Variants in DSCAM observed in about 807,000 individuals in gnomAD.
The protein encoded by DSCAM is cell adhesion molecule DSCAM.
DSCAM carries 47 observed loss-of-function variants against 217.7 expected under a neutral mutation model. The ratio of observed to expected loss-of-function variants is 0.22; its 90% CI spans 0.17 to 0.28. DSCAM has a LOEUF of 0.28. DSCAM is among the 10% of genes least tolerant of loss of function. The pLI is 1.00. For missense variants in DSCAM, 2,080 were observed against 2,618.3 expected, an observed-to-expected ratio of 0.79 and a Z score of 4.49; for synonymous variants, 1,056 against 1,015.3, an observed-to-expected ratio of 1.04 and a Z score of -0.76.
chr21:40,640,362 A>C (rs2089862867), intron 3 of DSCAM, among the ~76,000 whole-genome samples: 1 of 152,126 alleles, frequency 6.6e-6, no homozygotes, highest in Non-Finnish European at 1.5e-5. Context: ...CAGCATGGAA[A>C]ACTGGGGTCC....
At chr21:40,288,841 T>C (rs144181763) in intron 10 of DSCAM, among the ~76,000 whole-genome samples, 78 of 152,308 alleles carry the variant, frequency 5.1e-4, no homozygotes, top group African/African-American at 1.8e-3. Context: ...ATTTTATCTG[T>C]TTCAGCTGCA....
At position 40,044,119 on chromosome 21, in the gene DSCAM, T is replaced by C; in HGVS notation, c.5342A>G (p.Lys1781Arg). The C allele has an allele frequency of 6.2e-7, 1 of 1,614,078 alleles. No individual in the cohort carries two copies. The highest frequency in any genetic ancestry group is 1.3e-5 in the African/African-American group (1 of 75,038). Residue 1781 changes from lysine to arginine, a missense_variant, in exon 31 of 33, where the codon AAA (lysine) becomes AGA (arginine). Around this residue, in one of 5 missense-constraint regions of DSCAM, gnomAD observed 1,144 missense variants for 1,421.1 expected, o/e 0.81. Transcript: ENST00000400454. ...PTPRAAGSVD[K>R]ESDSYSVSPS... is the part of the protein sequence containing the mutation. ...GCTGACGCTGTAACTGTCGCTCTCT[T>C]TGTCTACTGATCCTGCAGCCCTGGG...
At chr21:40,686,136 A>G (rs1465836624) in intron 3 of DSCAM, among the ~76,000 whole-genome samples, 1 of 151,454 alleles carries the variant, frequency 6.6e-6, no homozygotes, top group Non-Finnish European at 1.5e-5. Flanking sequence ...CAGAGCACAC[A>G]CATCACACAC....
intron 3 of DSCAM, among the ~76,000 whole-genome samples, chr21:40,590,122 A>G (rs947837342): frequency 6.6e-5 from 10 of 152,216 alleles, no homozygotes; most frequent in African/African-American, 2.4e-4. Context: ...TGTAACTAAG[A>G]AATAGACCCA....
chr21:40,733,047 C>A (rs1390684929), intron 1 of DSCAM, among the ~76,000 whole-genome samples: 1 of 152,316 alleles, frequency 6.6e-6, no homozygotes, highest in African/African-American at 2.4e-5. Flanking sequence ...TCTCTAAAAT[C>A]ATTACCTTCC....
At chr21:40,519,967 A>C (rs2076345955) in intron 3 of DSCAM, among the ~76,000 whole-genome samples, 1 of 152,020 alleles carries the variant, frequency 6.6e-6, no homozygotes, top group African/African-American at 2.4e-5. Context: ...AAAACACATG[A>C]CCTTCCTTCT....
intron 32 of DSCAM, among the ~76,000 whole-genome samples, chr21:40,017,693 A>T (rs903978721): frequency 2.0e-5 from 3 of 152,014 alleles, no homozygotes; most frequent in South Asian, 2.1e-4. Context: ...CTGGGATTAC[A>T]GGCATGCACC....
At chr21:40,257,052 C>A (rs1009381312) in intron 11 of DSCAM, among the ~76,000 whole-genome samples, 7 of 152,280 alleles carry the variant, frequency 4.6e-5, no homozygotes, top group Non-Finnish European at 7.4e-5. Context: ...GTTGACAATA[C>A]TTAAATACTA....
chr21:40,386,783 CG>C (rs1434124343), intron 3 of DSCAM, among the ~76,000 whole-genome samples: 6 of 152,042 alleles, frequency 3.9e-5, no homozygotes, highest in African/African-American at 1.5e-4. Flanking sequence ...GAAACAGTGA[CG>C]TTTTTCTTGA....
intron 10 of DSCAM, among the ~76,000 whole-genome samples, chr21:40,287,150 A>G (rs114761353): frequency 0.018 from 2,671 of 151,202 alleles, 89 homozygotes; most frequent in African/African-American, 0.062. Flanking sequence ...AGCATGATCC[A>G]CAGTGTGATC....
At chr21:40,633,977 G>C (rs1418340064) in intron 3 of DSCAM, among the ~76,000 whole-genome samples, 1 of 152,050 alleles carries the variant, frequency 6.6e-6, no homozygotes, top group Non-Finnish European at 1.5e-5. Flanking sequence ...GGACACAAAG[G>C]GTTTACTATT....
intron 16 of DSCAM, among the ~76,000 whole-genome samples, chr21:40,152,120 AAAAAAAACAC>A (rs2090428906): frequency 2.7e-5 from 4 of 149,934 alleles, no homozygotes; most frequent in Admixed American, 2.6e-4. Flanking sequence ...CATATGGAAA[AAAAAAAACAC>A]AAAAAAAACA....
chr21:40,151,803 G>A (rs116390905), intron 16 of DSCAM, among the ~76,000 whole-genome samples: 49 of 152,298 alleles, frequency 3.2e-4, no homozygotes, highest in African/African-American at 1.0e-3. Flanking sequence ...GTTGGCTTCC[G>A]CACTGGGACT....
chr21:40,222,767 A>G (rs953084101), intron 11 of DSCAM, among the ~76,000 whole-genome samples: 11 of 152,204 alleles, frequency 7.2e-5, no homozygotes, highest in African/African-American at 2.4e-4. Context: ...GCAAATATTG[A>G]TAGATCCAAC....
intron 3 of DSCAM, chr21:40,383,375 A>G (rs987961079): frequency 2.0e-5 from 3 of 152,300 alleles, no homozygotes; most frequent in African/African-American, 7.2e-5. Context: ...TGATATATCC[A>G]TGATGAATTA....
intron 11 of DSCAM, among the ~76,000 whole-genome samples, chr21:40,266,783 T>TATATATATAC (rs1196540258): frequency 1.5e-5 from 2 of 133,250 alleles, no homozygotes; most frequent in East Asian, 4.1e-4. Flanking sequence ...CATGCATATA[T>TATATATATAC]ATATATATAT....
At chr21:40,428,060 A>C (rs1043473038) in intron 3 of DSCAM, among the ~76,000 whole-genome samples, 4 of 152,280 alleles carry the variant, frequency 2.6e-5, no homozygotes, top group Middle Eastern at 3.4e-3. Flanking sequence ...GTCCAGGTCC[A>C]GTCTGATCTA....
intron 11 of DSCAM, among the ~76,000 whole-genome samples, chr21:40,239,922 G>A (rs552935292): frequency 4.6e-5 from 7 of 152,090 alleles, no homozygotes; most frequent in Admixed American, 3.3e-4. Flanking sequence ...CTCTCCAGGC[G>A]AGCATCTCAG....
At chr21:40,688,505 G>A (rs1312191533) in intron 3 of DSCAM, among the ~76,000 whole-genome samples, 1 of 152,124 alleles carries the variant, frequency 6.6e-6, no homozygotes, top group African/African-American at 2.4e-5. Flanking sequence ...GCATTTAAAA[G>A]GATTTCATTG....
Sources: allele counts gnomAD v4.1 joint callset (sites outside exome capture counted in the v4.1 genomes callset), GRCh38; gene constraint gnomAD v4.1.1; regional missense constraint gnomAD v4.1.1; transcripts MANE v1.5; gene names NCBI Gene and HGNC (gene_info 2026-07-23, HGNC 2026-07-21).